SH3RF3: variants seen among roughly 807,000 people sequenced by gnomAD.
The protein encoded by SH3RF3 is SH3 domain containing ring finger 3, also known as E3 ubiquitin-protein ligase SH3RF3.
SH3RF3 carries 29 observed loss-of-function variants against 66.3 expected under a neutral mutation model. The ratio of observed to expected loss-of-function variants is 0.44; its 90% CI spans 0.33 to 0.60. The LOEUF (loss-of-function observed/expected upper bound fraction) is 0.60, where lower values mean the gene tolerates loss of function less well. Ranked by LOEUF, SH3RF3 falls within the 20% of genes least tolerant of loss-of-function variation. The probability of loss-of-function intolerance (pLI) is 0.04; values close to 1 mark genes in which losing one functional copy is unlikely to be tolerated. For missense variants in SH3RF3, 1,194 were observed against 1,190.9 expected (o/e 1.00, Z -0.04); for synonymous variants, 583 against 532.0 (o/e 1.10, Z -1.32).
intron 3 of SH3RF3, among the ~76,000 whole-genome samples, chr2:109,382,666 C>T (rs957378025): frequency 3.3e-5 from 5 of 152,280 alleles, no homozygotes; most frequent in East Asian, 1.9e-4. Flanking sequence ...TTCTAACATC[C>T]GTCTGCCACT....
chr2:109,472,634 G>C (rs1460383097), intron 8 of SH3RF3, among the ~76,000 whole-genome samples: 4 of 152,170 alleles, frequency 2.6e-5, no homozygotes, highest in Non-Finnish European at 5.9e-5. Flanking sequence ...TTCAGGAAGT[G>C]AGCTTGCCAT....
At chr2:109,425,994 T>C (rs1310963664) in intron 5 of SH3RF3, among the ~76,000 whole-genome samples, 2 of 152,130 alleles carry the variant, frequency 1.3e-5, no homozygotes, top group African/African-American at 4.8e-5. Context: ...GCCTCCTGGG[T>C]TCAAGCCATT....
At chr2:109,222,393 T>C (rs1295934477) in intron 1 of SH3RF3, among the ~76,000 whole-genome samples, 2 of 152,366 alleles carry the variant, frequency 1.3e-5, no homozygotes, top group Middle Eastern at 3.4e-3. Flanking sequence ...ATGGATATGC[T>C]AGTTACCCTG....
At chr2:109,217,975 G>A (rs531848124) in intron 1 of SH3RF3, among the ~76,000 whole-genome samples, 112 of 152,304 alleles carry the variant, frequency 7.4e-4, no homozygotes, top group Non-Finnish European at 1.1e-3. Context: ...TGCTCCTGCC[G>A]GTTGCCTTCC....
intron 4 of SH3RF3, among the ~76,000 whole-genome samples, chr2:109,416,468 TC>T (rs1333570886): frequency 6.6e-6 from 1 of 152,092 alleles, no homozygotes; most frequent in Non-Finnish European, 1.5e-5. Context: ...CACTGCAACT[TC>T]CGCCTCCTGG....
At chr2:109,402,060 C>G (rs1490131927) in intron 4 of SH3RF3, among the ~76,000 whole-genome samples, 1 of 152,216 alleles carries the variant, frequency 6.6e-6, no homozygotes, top group Non-Finnish European at 1.5e-5. Flanking sequence ...TTTAATCGAG[C>G]TGCCGGGAGA....
rs953559081 is a variant in SH3RF3, at chr2:109,331,952, G to A, written c.574-15722G>A. Among the ~76,000 whole-genome samples the A allele has an allele frequency of 9.2e-5, 14 of 152,292 alleles. No homozygotes were observed. The South Asian group carries it at 1.2e-3, about 14-fold the overall frequency. On this transcript the variant is annotated intron_variant, in intron 1 of 9. Coordinates refer to ENST00000309415, the MANE Select transcript of SH3RF3 (RefSeq NM_001099289.3). Reference sequence around the variant, plus strand: ...ACCCTCAGCACCTGGCCGATCCTCCGATGGGTCTTCCTGGTGCTGTGACTG... The same window carrying A: ...ACCCTCAGCACCTGGCCGATCCTCCAATGGGTCTTCCTGGTGCTGTGACTG...
intron 1 of SH3RF3, among the ~76,000 whole-genome samples, chr2:109,311,541 G>A (rs1240640249): frequency 6.6e-6 from 1 of 152,052 alleles, no homozygotes; most frequent in Non-Finnish European, 1.5e-5. Context: ...GAGGAAAAGA[G>A]GAAGTCAAAT....
chr2:109,303,665 C>A (rs1010247291), intron 1 of SH3RF3, among the ~76,000 whole-genome samples: 4 of 152,196 alleles, frequency 2.6e-5, no homozygotes, highest in African/African-American at 9.6e-5. Flanking sequence ...GGAGACTGCC[C>A]ACATTCGGGT....
chr2:109,212,379 G>A (rs188684442), intron 1 of SH3RF3, among the ~76,000 whole-genome samples: 1 of 152,336 alleles, frequency 6.6e-6, no homozygotes, highest in East Asian at 1.9e-4. Context: ...CTGGTTATAC[G>A]TGACTATAAA....
intron 1 of SH3RF3, among the ~76,000 whole-genome samples, chr2:109,301,403 A>T (rs1278284100): frequency 6.6e-6 from 1 of 151,792 alleles, no homozygotes; most frequent in Non-Finnish European, 1.5e-5. Flanking sequence ...CTGTCTGTGT[A>T]TGAACTCATG....
chr2:109,231,662 A>G (rs1679518331), intron 1 of SH3RF3, among the ~76,000 whole-genome samples: 1 of 152,232 alleles, frequency 6.6e-6, no homozygotes, highest in Non-Finnish European at 1.5e-5. Flanking sequence ...TCATACTAAC[A>G]TTAGCCTAAG....
At chr2:109,394,134 G>A (rs943233564) in intron 3 of SH3RF3, among the ~76,000 whole-genome samples, 1 of 152,208 alleles carries the variant, frequency 6.6e-6, no homozygotes, top group Non-Finnish European at 1.5e-5. Context: ...TTTAAAGGAT[G>A]GATGGAAGAA....
intron 9 of SH3RF3, among the ~76,000 whole-genome samples, chr2:109,498,654 G>A (rs182415513): frequency 6.6e-6 from 1 of 152,200 alleles, no homozygotes; most frequent in African/African-American, 2.4e-5. Flanking sequence ...TTCCCCCTAA[G>A]TAGTATCAAG....
chr2:109,431,304 T>C (rs1421432665), intron 5 of SH3RF3, among the ~76,000 whole-genome samples: 2 of 152,216 alleles, frequency 1.3e-5, no homozygotes, highest in Non-Finnish European at 2.9e-5. Flanking sequence ...ACATTCATCT[T>C]TGGTCTCTTA....
chr2:109,236,484 A>T (rs1193846962), intron 1 of SH3RF3, among the ~76,000 whole-genome samples: 1 of 152,194 alleles, frequency 6.6e-6, no homozygotes, highest in East Asian at 1.9e-4. Flanking sequence ...GAATCAGAAA[A>T]GGTGGTCTTC....
At chr2:109,417,848 G>A (rs1676766399) in intron 4 of SH3RF3, among the ~76,000 whole-genome samples, 1 of 152,180 alleles carries the variant, frequency 6.6e-6, no homozygotes, top group Non-Finnish European at 1.5e-5. Context: ...GCAGGTAGGT[G>A]GCCGGCGGCA....
At chr2:109,240,882 CTCTCTCTCTG>C (rs1310028268) in intron 1 of SH3RF3, among the ~76,000 whole-genome samples, 1 of 143,970 alleles carries the variant, frequency 6.9e-6, no homozygotes, top group Non-Finnish European at 1.5e-5. Context: ...GATTCCATCT[CTCTCTCTCTG>C]TCTCTCTGTC....
At chr2:109,212,329 A>G (rs1009513457) in intron 1 of SH3RF3, among the ~76,000 whole-genome samples, 42 of 152,230 alleles carry the variant, frequency 2.8e-4, no homozygotes, top group African/African-American at 9.9e-4. Flanking sequence ...TTTCAATTAG[A>G]GTCTGACCAT....
Sources: gnomAD v4.1 joint callset for allele counts (sites outside exome capture counted in the v4.1 genomes callset) on GRCh38, gnomAD v4.1.1 for gene constraint, MANE v1.5 for transcripts, NCBI Gene and HGNC (gene_info 2026-07-23, HGNC 2026-07-21) for gene names.